Variants in MINPP1 observed in about 807,000 individuals in gnomAD.
MINPP1 encodes the protein multiple inositol-polyphosphate phosphatase 1.
MINPP1 carries 28 observed loss-of-function variants against 46.1 expected under a neutral mutation model. The ratio of observed to expected loss-of-function variants is 0.61; its 90% CI spans 0.45 to 0.83. The LOEUF (loss-of-function observed/expected upper bound fraction) is 0.83, where lower values mean the gene tolerates loss of function less well. Ranked by LOEUF, MINPP1 falls within the 40% of genes least tolerant of loss-of-function variation. The pLI, the probability that MINPP1 is intolerant of heterozygous loss-of-function variation, is 0.00. For missense variants in MINPP1, 603 were observed against 610.0 expected, an observed-to-expected ratio of 0.99 and a Z score of 0.12; for synonymous variants, 268 against 249.1, an observed-to-expected ratio of 1.08 and a Z score of -0.72.
intron 4 of MINPP1, among the ~76,000 whole-genome samples, chr10:87,543,385 A>T (rs940518437): frequency 1.3e-5 from 2 of 152,190 alleles, no homozygotes; most frequent in Non-Finnish European, 2.9e-5. Flanking sequence ...AGGGCACAGT[A>T]GCTCATGCCT....
chr10:87,520,885 C>T (rs1851491084), intron 3 of MINPP1, 151 bp from the exon 4 acceptor site: 3 of 491,426 alleles, frequency 6.1e-6, no homozygotes, highest in East Asian at 3.5e-5. Context: ...ACCTTAGGGA[C>T]CAACTCTTAA....
At position 87,527,331 on chromosome 10, in the gene MINPP1, G is replaced by A. The variant is rs981482897; in HGVS notation, c.1067+6162G>A. Among the ~76,000 whole-genome samples, 6 of 152,246 alleles carry A rather than the reference G, an allele frequency of 3.9e-5. No individual in the cohort carries two copies. In the East Asian group the frequency reaches 1.2e-3, roughly 29 times the overall value. ...TGTTGAGTAGGAGTGGTGAGAGAAG[G>A]CATCCCTGTCTTGTGCCAGTTTTCA... On this transcript the variant is annotated intron_variant, in intron 4 of 4. Coordinates refer to ENST00000371996, the MANE Select transcript of MINPP1 (RefSeq NM_004897.5).
chr10:87,527,967 T>C (rs954464992), intron 4 of MINPP1, among the ~76,000 whole-genome samples: 12 of 152,240 alleles, frequency 7.9e-5, no homozygotes, highest in Non-Finnish European at 5.9e-5. Context: ...TTTGTCCATT[T>C]CTTCTAGATT....
chr10:87,549,517 T>C (rs895871185), intron 4 of MINPP1, among the ~76,000 whole-genome samples: 38 of 152,352 alleles, frequency 2.5e-4, no homozygotes, highest in African/African-American at 8.4e-4. Context: ...TGAGCGAAGC[T>C]GTCCATACTG....
intron 4 of MINPP1, among the ~76,000 whole-genome samples, chr10:87,536,990 G>A (rs1031660668): frequency 6.6e-6 from 1 of 152,020 alleles, no homozygotes; most frequent in Non-Finnish European, 1.5e-5. Flanking sequence ...AGGCTAGAGT[G>A]CAGCGGCACG....
chr10:87,529,484 A>T (rs1851625976), intron 4 of MINPP1, among the ~76,000 whole-genome samples: 1 of 152,148 alleles, frequency 6.6e-6, no homozygotes, highest in African/African-American at 2.4e-5. Flanking sequence ...GTTTGGCTGG[A>T]TATGAAATTC....
chr10:87,551,518 C>T (rs1851962426), intron 4 of MINPP1, among the ~76,000 whole-genome samples: 1 of 152,006 alleles, frequency 6.6e-6, no homozygotes, highest in African/African-American at 2.4e-5. Context: ...CAACCAGAGA[C>T]ACATTGTTTC....
chr10:87,534,469 T>C (rs1045020045), intron 4 of MINPP1, among the ~76,000 whole-genome samples: 2 of 152,234 alleles, frequency 1.3e-5, no homozygotes, highest in African/African-American at 4.8e-5. Flanking sequence ...ACTTTTTGAC[T>C]ATCACTAGAT....
intron 4 of MINPP1, among the ~76,000 whole-genome samples, chr10:87,538,247 T>C (rs1851766562): frequency 6.6e-6 from 1 of 152,132 alleles, no homozygotes; most frequent in South Asian, 2.1e-4. Flanking sequence ...TCTTCTCAGG[T>C]ACTCCTGCTG....
intron 4 of MINPP1, among the ~76,000 whole-genome samples, chr10:87,535,527 A>G (rs1407122272): frequency 6.6e-6 from 1 of 152,188 alleles, no homozygotes; most frequent in Non-Finnish European, 1.5e-5. Flanking sequence ...AAAATGCCCA[A>G]GTTAATTTGA....
At chr10:87,530,266 T>G (rs1851638712) in intron 4 of MINPP1, among the ~76,000 whole-genome samples, 1 of 152,220 alleles carries the variant, frequency 6.6e-6, no homozygotes, top group African/African-American at 2.4e-5. Flanking sequence ...GGATCTGTGT[T>G]TCTTTGGAGG....
intron 3 of MINPP1, among the ~76,000 whole-genome samples, chr10:87,514,853 T>G (rs574303633): frequency 6.6e-5 from 10 of 152,134 alleles, no homozygotes; most frequent in Non-Finnish European, 1.2e-4. Context: ...GTAGCTGGGA[T>G]TACAGGCGTG....
intron 4 of MINPP1, among the ~76,000 whole-genome samples, chr10:87,544,576 G>A (rs1851862423): frequency 6.6e-6 from 1 of 152,092 alleles, no homozygotes; most frequent in Admixed American, 6.6e-5. Context: ...ATCAACATGA[G>A]CATGCAAAAA....
intron 4 of MINPP1, 149 bp from the exon 5 acceptor site, chr10:87,551,933 C>T (rs570778960): frequency 2.1e-5 from 14 of 657,604 alleles, no homozygotes; most frequent in African/African-American, 3.6e-5. Context: ...GAATTTCAGC[C>T]GTATGCTTGT....
chr10:87,542,819 C>T (rs7088274), intron 4 of MINPP1, among the ~76,000 whole-genome samples: 2,046 of 152,148 alleles, frequency 0.013, 43 homozygotes, highest in African/African-American at 0.047. Flanking sequence ...ATTGCAGAAA[C>T]GGACTAACAC....
chr10:87,542,472 G>C (rs1851829292), intron 4 of MINPP1, among the ~76,000 whole-genome samples: 1 of 152,008 alleles, frequency 6.6e-6, no homozygotes, highest in Non-Finnish European at 1.5e-5. Context: ...GCTAATTTTT[G>C]TATTTTTAGT....
At chr10:87,515,756 G>C (rs1202930920) in intron 3 of MINPP1, among the ~76,000 whole-genome samples, 2 of 151,762 alleles carry the variant, frequency 1.3e-5, no homozygotes, top group African/African-American at 4.8e-5. Context: ...GAAGTTGGAT[G>C]AGTACACAGA....
In MINPP1 at chr10:87,504,986, T is replaced by C. The variant is rs1851215756; in HGVS notation, c.71T>C (p.Leu24Pro). The C allele has an allele frequency of 1.2e-6, 2 of 1,612,410 alleles. No individual in the cohort carries two copies. The highest frequency in any genetic ancestry group is 1.7e-6 in the Non-Finnish European group (2 of 1,179,710). The change falls in exon 1 of 5, where the codon CTC becomes CCC. Residue 24 changes from leucine (L) to proline (P), a missense_variant. Physicochemically the swap from Leu to Pro is moderately conservative, Grantham distance 98. Coordinates refer to ENST00000371996, the MANE Select transcript of MINPP1 (RefSeq NM_004897.5). ...GCCGCGGCCCTGGCTGCGGCGCTGC[T>C]CTCGTCGCTTGCGCGCTGCTCTCTT... ...APAAALAAALLSSLARCSLLE... is the reference protein window; with the variant it reads ...APAAALAAALPSSLARCSLLE...
intron 2 of MINPP1, among the ~76,000 whole-genome samples, chr10:87,508,857 A>G (rs905872090): frequency 2.0e-5 from 3 of 151,344 alleles, no homozygotes; most frequent in African/African-American, 7.3e-5. Context: ...TCCCCCTGAT[A>G]AAGTGATACA....
Sources: allele counts gnomAD v4.1 joint callset (sites outside exome capture counted in the v4.1 genomes callset), GRCh38; gene constraint gnomAD v4.1.1; transcripts MANE v1.5; gene names NCBI Gene and HGNC (gene_info 2026-07-23, HGNC 2026-07-21).